SLC4A4: variants seen among roughly 807,000 people sequenced by gnomAD.
SLC4A4 encodes the protein electrogenic sodium bicarbonate cotransporter 1.
SLC4A4 carries 27 observed loss-of-function variants against 111.5 expected under a neutral mutation model. The observed-to-expected ratio is 0.24, with a 90% CI of 0.18 to 0.33. The LOEUF is 0.33. Ranked by LOEUF, SLC4A4 falls within the 10% of genes least tolerant of loss-of-function variation. The pLI is 1.00. For synonymous variants in SLC4A4, 443 were observed against 463.4 expected, an observed-to-expected ratio of 0.96 and a Z score of 0.57; for missense variants, 909 against 1,315.5, an observed-to-expected ratio of 0.69 and a Z score of 4.78.
chr4:71,458,992 TA>T (rs1229787381), intron 12 of SLC4A4, among the ~76,000 whole-genome samples: 1 of 151,994 alleles, frequency 6.6e-6, no homozygotes, highest in Non-Finnish European at 1.5e-5. Flanking sequence ...TAAAAATAAA[TA>T]GACATATTTA....
chr4:71,379,455 C>T (rs1047397021), intron 6 of SLC4A4, among the ~76,000 whole-genome samples: 18 of 152,116 alleles, frequency 1.2e-4, no homozygotes, highest in African/African-American at 4.3e-4. Flanking sequence ...TAACCTATCC[C>T]TAAAGCTCTT....
At chr4:71,482,728 T>G (rs938963245) in intron 14 of SLC4A4, among the ~76,000 whole-genome samples, 1 of 151,664 alleles carries the variant, frequency 6.6e-6, no homozygotes, top group Non-Finnish European at 1.5e-5. Context: ...CCTCAAAAGC[T>G]CAGACAGATC....
chr4:71,514,331 C>A (rs1321859149), intron 16 of SLC4A4, among the ~76,000 whole-genome samples: 10 of 152,088 alleles, frequency 6.6e-5, no homozygotes, highest in African/African-American at 2.4e-4. Flanking sequence ...CCCCTTCACC[C>A]TCTTCCTCCT....
chr4:71,141,591 C>CACTCTTTCAGAAATGTCTACATAACCACA (rs1478915764), intron 2 of SLC4A4, among the ~76,000 whole-genome samples: 1 of 152,198 alleles, frequency 6.6e-6, no homozygotes, highest in African/African-American at 2.4e-5. Flanking sequence ...CAAATGTCTT[C>CACTCTTTCAGAAATGTCTACATAACCACA]ACTCTTTCAG....
chr4:71,300,781 C>G (rs1725189421), intron 3 of SLC4A4: 1 of 362,462 alleles, frequency 2.8e-6, no homozygotes, highest in Non-Finnish European at 5.5e-6. Context: ...ATAGCAGACC[C>G]CCGCAGCCAT....
At chr4:71,232,252 G>A (rs1719484298) in intron 1 of SLC4A4, among the ~76,000 whole-genome samples, 2 of 152,168 alleles carry the variant, frequency 1.3e-5, no homozygotes, top group African/African-American at 4.8e-5. Context: ...AAGAGCCAAG[G>A]AATGCACCAA....
intron 2 of SLC4A4, among the ~76,000 whole-genome samples, chr4:71,176,550 G>A (rs758261156): frequency 3.9e-5 from 6 of 152,220 alleles, no homozygotes; most frequent in African/African-American, 9.6e-5. Flanking sequence ...CTCAGTAGCC[G>A]ATTTGATCAA....
chr4:71,333,898 T>TTTTTTTTTTTTTTTTTTTTTTGAG (rs1478636727), intron 3 of SLC4A4, among the ~76,000 whole-genome samples: 1 of 152,092 alleles, frequency 6.6e-6, no homozygotes, highest in Non-Finnish European at 1.5e-5. Flanking sequence ...CCTGGGTTTC[T>TTTTTTTTTTTTTTTTTTTTTTGAG]AACTTCAGGG....
At chr4:71,309,573 T>C (rs1578804434) in intron 3 of SLC4A4, among the ~76,000 whole-genome samples, 1 of 152,162 alleles carries the variant, frequency 6.6e-6, no homozygotes, top group Middle Eastern at 3.4e-3. Flanking sequence ...CCAGCAGACC[T>C]AGAGGAGAGG....
intron 3 of SLC4A4, among the ~76,000 whole-genome samples, chr4:71,292,876 C>CT (rs1350682647): frequency 1.6e-5 from 2 of 129,018 alleles, no homozygotes; most frequent in Non-Finnish European, 3.1e-5. Flanking sequence ...CAGTCTCACT[C>CT]TGTCACCCAG....
intron 1 of SLC4A4, among the ~76,000 whole-genome samples, chr4:71,199,199 A>G (rs1021671549): frequency 6.6e-6 from 1 of 152,214 alleles, no homozygotes; most frequent in African/African-American, 2.4e-5. Context: ...GACAGTTCCT[A>G]TAAAGTTTAC....
intron 15 of SLC4A4, among the ~76,000 whole-genome samples, chr4:71,489,823 G>A (rs1192102678): frequency 6.6e-6 from 1 of 151,726 alleles, no homozygotes; most frequent in Non-Finnish European, 1.5e-5. Context: ...GAGCCAGCAA[G>A]GCTTGCTCTC....
chr4:71,198,378 T>A (rs1746101928), intron 1 of SLC4A4, among the ~76,000 whole-genome samples: 2 of 152,252 alleles, frequency 1.3e-5, no homozygotes, highest in Admixed American at 6.5e-5. Context: ...ATTTAAGTGC[T>A]ATATTTCTAT....
intron 6 of SLC4A4, among the ~76,000 whole-genome samples, chr4:71,366,280 G>A (rs546703240): frequency 2.0e-5 from 3 of 147,680 alleles, no homozygotes; most frequent in South Asian, 2.1e-4. Context: ...CTTCTTAATA[G>A]GATTGTTTTA....
chr4:71,431,440 G>A (rs149801423), intron 7 of SLC4A4, among the ~76,000 whole-genome samples: 1 of 152,226 alleles, frequency 6.6e-6, no homozygotes, highest in Non-Finnish European at 1.5e-5. Context: ...AGTGTGCCTG[G>A]TGTGTCTGAA....
intron 3 of SLC4A4, among the ~76,000 whole-genome samples, chr4:71,306,309 G>A (rs75988374): frequency 0.076 from 11,555 of 152,254 alleles, 791 homozygotes; most frequent in Admixed American, 0.22. Flanking sequence ...TAGGCTGGGC[G>A]CGGTGGCTCA....
intron 3 of SLC4A4, among the ~76,000 whole-genome samples, chr4:71,303,051 T>C (rs963884889): frequency 6.6e-6 from 1 of 152,342 alleles, no homozygotes; most frequent in East Asian, 1.9e-4. Context: ...AATCAGGCTG[T>C]GCCAGTCTTT....
chr4:71,552,515 A>G (rs750167460), intron 20 of SLC4A4, among the ~76,000 whole-genome samples: 3 of 151,926 alleles, frequency 2.0e-5, no homozygotes, highest in Non-Finnish European at 4.4e-5. Flanking sequence ...ATATTCAAAT[A>G]CTATCAGCAC....
At chr4:71,247,191 A>C (rs1469897683) in intron 2 of SLC4A4, among the ~76,000 whole-genome samples, 1 of 148,526 alleles carries the variant, frequency 6.7e-6, no homozygotes, top group Non-Finnish European at 1.5e-5. Flanking sequence ...TAACAAATAT[A>C]AATTAATATT....
Sources: gnomAD v4.1 joint callset for allele counts (sites outside exome capture counted in the v4.1 genomes callset) on GRCh38, gnomAD v4.1.1 for gene constraint, MANE v1.5 for transcripts, NCBI Gene and HGNC (gene_info 2026-07-23, HGNC 2026-07-21) for gene names.